Variants in ACOT12 observed in about 807,000 individuals in gnomAD.
ACOT12 encodes the protein acyl-CoA thioesterase 12, also known as acetyl-coenzyme A thioesterase.
Under a neutral mutation model 67.7 loss-of-function variants are expected in ACOT12, and 51 were observed. The ratio of observed to expected loss-of-function variants is 0.75; its 90% CI spans 0.60 to 0.95. ACOT12 has a LOEUF of 0.95. Among genes scored for constraint, ACOT12 ranks in the 40% least tolerant of loss-of-function variants. ACOT12 has a pLI of 0.00. For synonymous variants in ACOT12, 251 were observed against 244.6 expected (o/e 1.03, Z -0.24); for missense variants, 734 against 708.1 (o/e 1.04, Z -0.41).
Position 81,363,820 on chromosome 5 carries a change from T to A in ACOT12, c.328A>T (p.Thr110Ser). The A allele has an allele frequency of 6.2e-7, 1 of 1,612,058 alleles. No individual in the cohort carries two copies. The highest frequency in any genetic ancestry group is 1.1e-5 in the South Asian group (1 of 90,846). Residue 110 changes from threonine to serine, a missense_variant, in exon 4 of 15, where the codon ACA becomes TCA. Physicochemically the swap from Thr to Ser is moderately conservative, Grantham distance 58. Transcript: ENST00000307624. ...TTTCCAACTGGTTTGGCTACAAATG[T>A]GGAGAAAGCCACACTAACAAGCTTC... Reference protein sequence around the residue: ...IEKLVSVAFSTFVAKPVGKEK... With the variant: ...IEKLVSVAFSSFVAKPVGKEK...
chr5:81,373,221 C>T (rs1047200280), intron 2 of ACOT12, among the ~76,000 whole-genome samples: 9 of 152,098 alleles, frequency 5.9e-5, no homozygotes, highest in Non-Finnish European at 1.2e-4. Context: ...GAGGGTGAGC[C>T]GAAGCAAGGT....
chr5:81,373,028 C>G (rs886884988), intron 2 of ACOT12, among the ~76,000 whole-genome samples: 3 of 152,194 alleles, frequency 2.0e-5, no homozygotes, highest in African/African-American at 2.4e-5. Context: ...TGACTACTCT[C>G]TACTGAATGT....
At chr5:81,368,971 A>T (rs924953463) in intron 3 of ACOT12, among the ~76,000 whole-genome samples, 7 of 152,038 alleles carry the variant, frequency 4.6e-5, no homozygotes, top group Admixed American at 3.9e-4. Context: ...GGTCTGAGAG[A>T]GCTGATTGCA....
chr5:81,366,064 G>A (rs1647429849), intron 3 of ACOT12, among the ~76,000 whole-genome samples: 1 of 152,196 alleles, frequency 6.6e-6, no homozygotes. Flanking sequence ...GTTCTCTCCA[G>A]CCAGATTTCA....
intron 5 of ACOT12, among the ~76,000 whole-genome samples, chr5:81,354,715 T>A (rs79976357): frequency 1.3e-5 from 2 of 151,968 alleles, no homozygotes; most frequent in Non-Finnish European, 2.9e-5. Flanking sequence ...TTTTTTTTTT[T>A]ATTTTTGAGT....
intron 2 of ACOT12, among the ~76,000 whole-genome samples, chr5:81,380,575 A>G (rs1295056822): frequency 1.0e-4 from 13 of 127,592 alleles, no homozygotes; most frequent in African/African-American, 3.5e-4. Flanking sequence ...AAAAAAAAAA[A>G]AAAAAGAAAA....
intron 5 of ACOT12, 99 bp downstream of exon 5, chr5:81,359,804 G>A (rs751974187): frequency 1.3e-5 from 17 of 1,319,054 alleles, no homozygotes; most frequent in Admixed American, 2.6e-5. Flanking sequence ...CACCAGGACT[G>A]AATGGTAATA....
At chr5:81,330,679 A>G in intron 14 of ACOT12, 135 bp downstream of exon 14, 1 of 1,488,422 alleles carries the variant, frequency 6.7e-7, no homozygotes, top group Non-Finnish European at 9.0e-7. Context: ...AGATGATCCG[A>G]AAGGATGACC....
intron 11 of ACOT12, among the ~76,000 whole-genome samples, chr5:81,340,546 G>C (rs1759161017): frequency 6.6e-6 from 1 of 152,026 alleles, no homozygotes; most frequent in Non-Finnish European, 1.5e-5. Context: ...AGTTTTAGTA[G>C]AGACAGTGTT....
At chr5:81,371,370 C>T (rs1580579624) in intron 3 of ACOT12, among the ~76,000 whole-genome samples, 3 of 152,056 alleles carry the variant, frequency 2.0e-5, no homozygotes, top group Non-Finnish European at 2.9e-5. Flanking sequence ...CGCCCACCTC[C>T]GTCTCCTGAG....
intron 5 of ACOT12, among the ~76,000 whole-genome samples, chr5:81,349,931 A>G (rs1759502350): frequency 6.6e-6 from 1 of 152,134 alleles, no homozygotes; most frequent in African/African-American, 2.4e-5. Context: ...CAGACACTCA[A>G]CTATTTCCAG....
At chr5:81,330,678 G>C (rs62621795) in intron 14 of ACOT12, 135 bp from the exon 15 acceptor site, 51,124 of 1,479,536 alleles carry the variant, frequency 0.035, 1,064 homozygotes, top group Middle Eastern at 0.046. Flanking sequence ...TAGATGATCC[G>C]AAAGGATGAC....
At chr5:81,364,539 T>C (rs1475386722) in intron 3 of ACOT12, among the ~76,000 whole-genome samples, 1 of 152,094 alleles carries the variant, frequency 6.6e-6, no homozygotes, top group Non-Finnish European at 1.5e-5. Flanking sequence ...GCCATTCTCT[T>C]GCCTCAGCCT....
intron 2 of ACOT12, among the ~76,000 whole-genome samples, chr5:81,383,710 G>A (rs1011268753): frequency 6.6e-6 from 1 of 151,306 alleles, no homozygotes; most frequent in Non-Finnish European, 1.5e-5. Flanking sequence ...TTGTGTCATT[G>A]TGTTTAATAA....
intron 1 of ACOT12, among the ~76,000 whole-genome samples, chr5:81,386,609 T>C (rs1277230513): frequency 1.3e-5 from 2 of 152,182 alleles, no homozygotes; most frequent in Non-Finnish European, 2.9e-5. Flanking sequence ...AGAAACACAA[T>C]TGAAAGCCAA....
chr5:81,384,050 G>T (rs1473004088), intron 2 of ACOT12, among the ~76,000 whole-genome samples: 2 of 151,364 alleles, frequency 1.3e-5, no homozygotes, highest in Non-Finnish European at 2.9e-5. Context: ...ACTGACTCCT[G>T]CACTCCTGCA....
chr5:81,338,449 G>T (rs1051479280), intron 11 of ACOT12, among the ~76,000 whole-genome samples: 2 of 152,048 alleles, frequency 1.3e-5, no homozygotes, highest in Non-Finnish European at 2.9e-5. Flanking sequence ...TCTTCCTCCT[G>T]CTCTAGCCAT....
At chr5:81,388,456 A>G (rs1365407494) in intron 1 of ACOT12, among the ~76,000 whole-genome samples, 1 of 152,216 alleles carries the variant, frequency 6.6e-6, no homozygotes, top group East Asian at 1.9e-4. Flanking sequence ...AGAAGTGGAA[A>G]ACCCTAAAGC....
At chr5:81,324,128 A>AC in the ACOT12 span, among the ~76,000 whole-genome samples, 3 of 151,764 alleles carry the variant, frequency 2.0e-5, no homozygotes, top group Non-Finnish European at 4.4e-5. Context: ...TTTAATAGAG[A>AC]CGGGGTTTCA....
Sources: allele counts gnomAD v4.1 joint callset (sites outside exome capture counted in the v4.1 genomes callset), GRCh38; gene constraint gnomAD v4.1.1; transcripts MANE v1.5; gene names NCBI Gene and HGNC (gene_info 2026-07-23, HGNC 2026-07-21).